MYO3A: variants seen among roughly 807,000 people sequenced by gnomAD.
MYO3A encodes myosin-IIIa.
MYO3A carries 180 observed loss-of-function variants against 192.7 expected under a neutral mutation model. The ratio of observed to expected loss-of-function variants is 0.93; its 90% CI spans 0.83 to 1.06. The LOEUF (loss-of-function observed/expected upper bound fraction) is 1.06. MYO3A is among the 50% of genes least tolerant of loss of function. The pLI is 0.00. For synonymous variants in MYO3A, 628 were observed against 645.3 expected (o/e 0.97, Z 0.41); for missense variants, 1,896 against 1,905.0 (o/e 1.00, Z 0.09).
intron 32 of MYO3A, among the ~76,000 whole-genome samples, chr10:26,197,137 G>A (rs890590673): frequency 1.3e-5 from 2 of 152,336 alleles, no homozygotes; most frequent in Admixed American, 6.5e-5. Context: ...TTAATCAGGT[G>A]CCGTAGCCCA....
At chr10:26,203,131 C>T (rs1383992070) in intron 34 of MYO3A, 24 bp downstream of exon 34, 2 of 1,608,940 alleles carry the variant, frequency 1.2e-6, no homozygotes, top group Non-Finnish European at 1.7e-6. Flanking sequence ...CTTTAAAGTA[C>T]ATCATTTGCA....
At chr10:26,152,615 T>G (rs1840858559) in intron 23 of MYO3A, among the ~76,000 whole-genome samples, 1 of 152,200 alleles carries the variant, frequency 6.6e-6, no homozygotes, top group Non-Finnish European at 1.5e-5. Context: ...AAAACCAAAA[T>G]GGATATATTT....
intron 10 of MYO3A, among the ~76,000 whole-genome samples, chr10:26,051,851 A>C (rs1844025745): frequency 6.6e-6 from 1 of 152,180 alleles, no homozygotes. Flanking sequence ...CCATAATGAC[A>C]GGGTTGAGTA....
chr10:26,206,692 G>T (rs569666965), intron 34 of MYO3A, among the ~76,000 whole-genome samples: 1 of 150,060 alleles, frequency 6.7e-6, no homozygotes, highest in Non-Finnish European at 1.5e-5. Flanking sequence ...CAGGTGATCT[G>T]CCCACCTCGG....
In MYO3A at chr10:26,201,318, T is replaced by A; in HGVS notation, c.4586+13T>A. 1 of 1,557,336 alleles carries A rather than the reference T, an allele frequency of 6.4e-7. No individual in the cohort carries two copies. Among genetic ancestry groups the A allele is most frequent in the Non-Finnish European group, 8.8e-7 (1 of 1,135,754 alleles). On this transcript the variant is annotated intron_variant, in intron 33 of 34. Coordinates refer to ENST00000642920, the MANE Select transcript of MYO3A (RefSeq NM_017433.5). ...CAAGGAAAGACAGGTAATTATTACT[T>A]CTGGATTTCAATCAGTCATCTTATT...
At chr10:26,106,342 G>A (rs907118575) in intron 17 of MYO3A, among the ~76,000 whole-genome samples, 2 of 151,890 alleles carry the variant, frequency 1.3e-5, no homozygotes, top group Admixed American at 6.6e-5. Flanking sequence ...ATATTCATCT[G>A]GAACTTGCAT....
chr10:25,939,573 T>C (rs1836338949), intron 2 of MYO3A, among the ~76,000 whole-genome samples: 1 of 152,018 alleles, frequency 6.6e-6, no homozygotes, highest in Non-Finnish European at 1.5e-5. Context: ...TTTTAAATTG[T>C]TTAGTGCCTT....
At chr10:26,094,175 T>C (rs944253602) in intron 15 of MYO3A, among the ~76,000 whole-genome samples, 5 of 152,208 alleles carry the variant, frequency 3.3e-5, no homozygotes, top group African/African-American at 1.2e-4. Context: ...GTCACAAGTA[T>C]CAAACCTTTA....
At chr10:25,947,664 A>T (rs1354487385) in intron 2 of MYO3A, among the ~76,000 whole-genome samples, 1 of 152,132 alleles carries the variant, frequency 6.6e-6, no homozygotes, top group African/African-American at 2.4e-5. Context: ...AAGTGTTGGG[A>T]TTACAGGCGT....
rs1444439182 is a variant in MYO3A, at chr10:25,935,736, G to A, written c.-104-8G>A. ...ATAAAGCCATGATCTTTTTGTTTTGGGTTACAGGCCCAGGGCCCCAGTGCA... is the reference window on the plus strand; with the variant it reads ...ATAAAGCCATGATCTTTTTGTTTTGAGTTACAGGCCCAGGGCCCCAGTGCA... On this transcript the variant is annotated splice_region_variant and splice_polypyrimidine_tract_variant and intron_variant, in intron 1 of 34. Coordinates refer to ENST00000642920, the MANE Select transcript of MYO3A (RefSeq NM_017433.5). The A allele has an allele frequency of 6.6e-6, 1 of 152,092 alleles. No individual in the cohort carries two copies. Among genetic ancestry groups the A allele is most frequent in the Non-Finnish European group, 1.5e-5 (1 of 68,022 alleles). 9.4% of individuals were successfully genotyped at this position (152,092 alleles called of 1,614,324 possible). A position where few individuals can be genotyped will look rare whatever the true frequency, so the allele number is the denominator to read the frequency against.
At chr10:26,077,255 T>TTTTTTTTTTTTTTTTTTTTTTTTTTTA (rs1835647309) in intron 14 of MYO3A, among the ~76,000 whole-genome samples, 1 of 141,650 alleles carries the variant, frequency 7.1e-6, no homozygotes, top group Non-Finnish European at 1.5e-5. Context: ...TTTTTTTTTT[T>TTTTTTTTTTTTTTTTTTTTTTTTTTTA]GCAGCTGTTG....
intron 14 of MYO3A, among the ~76,000 whole-genome samples, chr10:26,081,133 T>TCTCCCCCCC (rs1835904293): frequency 1.2e-5 from 1 of 84,940 alleles, no homozygotes; most frequent in Admixed American, 1.2e-4. Flanking sequence ...TATATGCCCT[T>TCTCCCCCCC]CCCCCCCCCC....
chr10:26,075,859 T>G (rs1447228661), intron 14 of MYO3A, among the ~76,000 whole-genome samples: 2 of 149,372 alleles, frequency 1.3e-5, no homozygotes, highest in African/African-American at 4.9e-5. Flanking sequence ...CTCATATATA[T>G]CTATATGTAT....
chr10:26,164,261 T>C (rs1841620899), intron 26 of MYO3A, among the ~76,000 whole-genome samples: 1 of 152,114 alleles, frequency 6.6e-6, no homozygotes, highest in African/African-American at 2.4e-5. Context: ...GTTTGCTTTG[T>C]AACAACACAC....
chr10:25,982,215 C>T (rs2130801587), intron 4 of MYO3A, among the ~76,000 whole-genome samples: 1 of 152,250 alleles, frequency 6.6e-6, no homozygotes, highest in Non-Finnish European at 1.5e-5. Context: ...ACTACACCGT[C>T]ATGCCCCACA....
intron 10 of MYO3A, among the ~76,000 whole-genome samples, chr10:26,039,861 T>C (rs1292463485): frequency 9.4e-6 from 1 of 106,198 alleles, no homozygotes; most frequent in Admixed American, 9.0e-5. Flanking sequence ...TGTTTTCTTC[T>C]TTCCAATTCA....
intron 26 of MYO3A, among the ~76,000 whole-genome samples, chr10:26,159,244 C>A (rs1383015740): frequency 6.6e-6 from 1 of 151,516 alleles, no homozygotes; most frequent in Non-Finnish European, 1.5e-5. Flanking sequence ...CCCACCTTGG[C>A]CTCCCAAAGT....
At chr10:26,009,050 A>C (rs1841436265) in intron 6 of MYO3A, among the ~76,000 whole-genome samples, 1 of 152,082 alleles carries the variant, frequency 6.6e-6, no homozygotes, top group South Asian at 2.1e-4. Context: ...ATGCAGCCAT[A>C]AAAAGGATGA....
At chr10:25,984,821 C>A (rs1839547529) in intron 4 of MYO3A, among the ~76,000 whole-genome samples, 1 of 152,106 alleles carries the variant, frequency 6.6e-6, no homozygotes, top group Non-Finnish European at 1.5e-5. Context: ...ACAATGAAAT[C>A]AAGATGGAAA....
Sources: gnomAD v4.1 joint callset for allele counts (sites outside exome capture counted in the v4.1 genomes callset) on GRCh38, gnomAD v4.1.1 for gene constraint, MANE v1.5 for transcripts, NCBI Gene and HGNC (gene_info 2026-07-23, HGNC 2026-07-21) for gene names.